CDH23: variants seen among roughly 807,000 people sequenced by gnomAD.
CDH23 encodes cadherin-23.
Under a neutral mutation model 317.1 loss-of-function variants are expected in CDH23, and 189 were observed. That is an observed-to-expected ratio of 0.60 (90% CI 0.53 to 0.67). CDH23 has a LOEUF of 0.67. Ranked by LOEUF, CDH23 falls within the 30% of genes least tolerant of loss-of-function variation. The pLI, the probability that CDH23 is intolerant of heterozygous loss-of-function variation, is 0.00. For synonymous variants in CDH23, 1,839 were observed against 1,876.8 expected (o/e 0.98, Z 0.52); for missense variants, 4,401 against 4,592.4 (o/e 0.96, Z 1.20).
chr10:71,687,613 G>C (rs756043812), intron 18 of CDH23, 34 bp from the exon 19 acceptor site: 148 of 1,607,554 alleles, frequency 9.2e-5, no homozygotes, highest in Non-Finnish European at 1.2e-4. Flanking sequence ...CTGCCTCCCT[G>C]CAGCCTCCTG....
intron 38 of CDH23, among the ~76,000 whole-genome samples, chr10:71,755,667 T>C (rs958780156): frequency 6.6e-6 from 1 of 152,122 alleles, no homozygotes; most frequent in Non-Finnish European, 1.5e-5. Context: ...CCTGCCGCCC[T>C]ATGCCCCTGG....
chr10:71,397,276 C>CAGAGG lies in CDH23; in HGVS notation c.-48_-47insAGAGG. 5.8e-6 allele frequency: 1 copy of CAGAGG among 172,820 alleles called. No homozygotes were observed. The highest frequency in any genetic ancestry group is 1.2e-5 in the Non-Finnish European group (1 of 80,118). The allele number at this position is 172,820 out of a possible 1,614,324, so 10.7% of individuals were successfully genotyped here. A position where few individuals can be genotyped will look rare whatever the true frequency, so the allele number is the denominator to read the frequency against. The stretch of plus-strand genomic sequence containing the variant: ...GGGCCGATCCGGCGGAGAGCAGAGC[C>CAGAGG]CGAGGCGAGGCGAGGCGCGGCGCCG... On this transcript the variant is annotated 5_prime_UTR_variant, in exon 1 of 70. Coordinates refer to ENST00000224721, the MANE Select transcript of CDH23 (RefSeq NM_022124.6). The surrounding 1 kb of genome is among the most constrained non-coding windows in gnomAD (Gnocchi z 4.8).
rs1839745637 is a variant in CDH23 at position 71,741,897 on chromosome 10, G to A, written c.4821G>A (p.Glu1607=). 14 of 1,605,718 alleles carry A rather than the reference G, an allele frequency of 8.7e-6. No individual in the cohort carries two copies. Among genetic ancestry groups the A allele is most frequent in the Non-Finnish European group, 1.1e-5 (13 of 1,176,284 alleles). Residue 1607 remains glutamate, a synonymous_variant, in exon 38 of 70, where the codon GAG becomes GAA. Transcript: ENST00000224721. ...TCTACCACCTGGTGGCCACTGTGGA[G>A]GACGAGGGCACCCCAACCCTGTCGG... ...QSFYHLVATV[E]DEGTPTLSAT... is the part of the protein sequence containing the mutation.
rs749247958 is a variant in CDH23, at chr10:71,702,589, G to A, written c.2628G>A (p.Val876=). ...PPLKATSSAT[V]FVNLLDLNDN... ...TGAAAGCCACCAGCAGTGCCACAGT[G>A]TTTGTGAACCTCTTGGATCTCAATG... Residue 876 remains valine (V), a synonymous_variant, in exon 24 of 70, where the codon GTG becomes GTA. Coordinates refer to ENST00000224721, the MANE Select transcript of CDH23 (RefSeq NM_022124.6). 1.9e-6 allele frequency: 3 copies of A among 1,613,890 alleles called. No individual in the cohort carries two copies. The African/African-American group carries it at 4.0e-5, about 22-fold the overall frequency.
chr10:71,571,404 C>T (rs910246424), intron 8 of CDH23, among the ~76,000 whole-genome samples: 3 of 152,264 alleles, frequency 2.0e-5, no homozygotes, highest in African/African-American at 7.2e-5. Flanking sequence ...GCAGCTCCTT[C>T]TGCCCTCCCT....
At chr10:71,625,570 C>G (rs1294066915) in intron 11 of CDH23, among the ~76,000 whole-genome samples, 1 of 152,002 alleles carries the variant, frequency 6.6e-6, no homozygotes, top group African/African-American at 2.4e-5. Context: ...TTTTCCATTC[C>G]ACATGTGTTC....
At chr10:71,419,437 C>T (rs1285313394) in intron 1 of CDH23, among the ~76,000 whole-genome samples, 1 of 152,154 alleles carries the variant, frequency 6.6e-6, no homozygotes, top group Admixed American at 6.5e-5. Context: ...CATGGACATG[C>T]AGGGACATTA....
intron 40 of CDH23, among the ~76,000 whole-genome samples, chr10:71,778,939 AT>A (rs1324040849): frequency 6.6e-6 from 1 of 151,990 alleles, no homozygotes; most frequent in African/African-American, 2.4e-5. Context: ...TTACTCTTTT[AT>A]TTTTTGTAGA....
At chr10:71,499,647 C>T (rs976507074) in intron 3 of CDH23, among the ~76,000 whole-genome samples, 2 of 151,732 alleles carry the variant, frequency 1.3e-5, no homozygotes, top group Non-Finnish European at 2.9e-5. Context: ...TGAGATCAGC[C>T]TGACCAACAT....
intron 3 of CDH23, among the ~76,000 whole-genome samples, chr10:71,449,052 G>GGATT (rs2132030404): frequency 6.6e-6 from 1 of 152,270 alleles, no homozygotes; most frequent in Non-Finnish European, 1.5e-5. Flanking sequence ...ATCCCTCACT[G>GGATT]GATTGTTGGG....
chr10:71,796,437 A>T (rs2132960899), intron 48 of CDH23, among the ~76,000 whole-genome samples: 1 of 152,322 alleles, frequency 6.6e-6, no homozygotes, highest in African/African-American at 2.4e-5. Context: ...TCCCACAATC[A>T]GCCCATGTCA....
chr10:71,449,854 C>G (rs979418444), intron 3 of CDH23, among the ~76,000 whole-genome samples: 1 of 152,238 alleles, frequency 6.6e-6, no homozygotes, highest in East Asian at 1.9e-4. Context: ...TCTGAAATCC[C>G]TCACAGAGCC....
chr10:71,418,954 T>C (rs1454355282), intron 1 of CDH23, among the ~76,000 whole-genome samples: 1 of 152,218 alleles, frequency 6.6e-6, no homozygotes, highest in East Asian at 1.9e-4. Flanking sequence ...ATAAACACAA[T>C]GTTTGCATGT....
At chr10:71,531,017 C>T (rs771674081) in intron 6 of CDH23, among the ~76,000 whole-genome samples, 1 of 152,230 alleles carries the variant, frequency 6.6e-6, no homozygotes, top group Non-Finnish European at 1.5e-5. Context: ...GTGGCAAGTT[C>T]AGGCATCTCT....
In CDH23 at chr10:71,798,502, C is replaced by T. The variant is rs1174880431; in HGVS notation, c.6978C>T (p.Gly2326=). The change falls in exon 50 of 70, where the codon GGC becomes GGT. Residue 2326 remains glycine (G), a synonymous_variant. Coordinates refer to ENST00000224721, the MANE Select transcript of CDH23 (RefSeq NM_022124.6). The part of the protein sequence containing the change: ...IAVAAVDPDK[G]LNGLVTYTLL... The stretch of plus-strand genomic sequence containing the variant: ...TGGCAGCCGTGGACCCTGACAAGGG[C>T]CTTAATGGGCTGGTCACCTACACCC... 6.2e-7 allele frequency: 1 copy of T among 1,613,956 alleles called. No homozygotes were observed. The highest frequency in any genetic ancestry group is 1.1e-5 in the South Asian group (1 of 91,080).
chr10:71,538,550 A>AT (rs148637460), intron 6 of CDH23, among the ~76,000 whole-genome samples: 4 of 151,714 alleles, frequency 2.6e-5, no homozygotes, highest in African/African-American at 4.8e-5. Context: ...TGTCCAACAT[A>AT]TTTTTTTTTC....
intron 3 of CDH23, among the ~76,000 whole-genome samples, chr10:71,471,279 C>T (rs1851495162): frequency 6.6e-6 from 1 of 152,234 alleles, no homozygotes; most frequent in South Asian, 2.1e-4. Context: ...CAGTGGCTCT[C>T]ACTCTGCCGA....
At chr10:71,451,959 G>A (rs1458547025) in intron 3 of CDH23, among the ~76,000 whole-genome samples, 4 of 152,226 alleles carry the variant, frequency 2.6e-5, no homozygotes, top group South Asian at 2.1e-4. Flanking sequence ...AGGGCATGTC[G>A]GGAGCGAGGT....
intron 3 of CDH23, among the ~76,000 whole-genome samples, chr10:71,508,743 A>G (rs1037166880): frequency 6.6e-6 from 1 of 152,210 alleles, no homozygotes; most frequent in East Asian, 1.9e-4. Context: ...GCCTTAGGCC[A>G]TGGCTCCGAT....
Sources: allele counts gnomAD v4.1 joint callset (sites outside exome capture counted in the v4.1 genomes callset), GRCh38; gene constraint gnomAD v4.1.1; non-coding constraint Gnocchi (gnomAD v3.1); transcripts MANE v1.5; gene names NCBI Gene and HGNC (gene_info 2026-07-23, HGNC 2026-07-21).